Variants in TRERF1 observed in about 807,000 individuals in gnomAD.
The protein encoded by TRERF1 is transcriptional-regulating factor 1.
A neutral mutation model predicts 122.9 loss-of-function variants in TRERF1; 27 were observed. The ratio of observed to expected loss-of-function variants is 0.22; its 90% confidence interval spans 0.16 to 0.30. The LOEUF (loss-of-function observed/expected upper bound fraction) is 0.30, where lower values mean the gene tolerates loss of function less well. Among genes scored for constraint, TRERF1 ranks in the 10% least tolerant of loss-of-function variants. TRERF1 has a pLI of 1.00. For synonymous variants in TRERF1, 636 were observed against 641.7 expected, an observed-to-expected ratio of 0.99 and a Z score of 0.13; for missense variants, 1,248 against 1,560.3, an observed-to-expected ratio of 0.80 and a Z score of 3.37.
chr6:42,316,928 T>C (rs1000297823), intron 3 of TRERF1, among the ~76,000 whole-genome samples: 1 of 152,154 alleles, frequency 6.6e-6, no homozygotes, highest in Admixed American at 6.5e-5. Context: ...ATAGATAACA[T>C]CACTATTGTA....
At chr6:42,329,737 TC>T (rs932034091) in intron 3 of TRERF1, among the ~76,000 whole-genome samples, 1 of 152,102 alleles carries the variant, frequency 6.6e-6, no homozygotes, top group Non-Finnish European at 1.5e-5. Context: ...ACGGCTGTAA[TC>T]CCAGCACTTT....
In TRERF1 at chr6:42,262,573, G is replaced by C. The variant is rs989733136; in HGVS notation, c.1884+747C>G. On this transcript the variant is annotated intron_variant, in intron 8 of 17. Transcript: ENST00000372922. Reference sequence around the variant, plus strand: ...AGAGAGAGAGAGAGAGAGAGAGAGAGAGAGAGAGAGAGAGAGAGAGAGAGA... The same window carrying C: ...AGAGAGAGAGAGAGAGAGAGAGAGACAGAGAGAGAGAGAGAGAGAGAGAGA... Among the ~76,000 whole-genome samples the C allele has an allele frequency of 3.5e-3, 499 of 141,486 alleles. 35 individuals carry two copies. Among genetic ancestry groups the C allele is most frequent in the East Asian group, 7.1e-3 (34 of 4,786 alleles). 92.8% of individuals were successfully genotyped at this position (141,486 alleles called of 152,430 possible).
intron 3 of TRERF1, among the ~76,000 whole-genome samples, chr6:42,301,975 T>C (rs1386774160): frequency 1.3e-5 from 2 of 152,304 alleles, no homozygotes; most frequent in East Asian, 3.9e-4. Context: ...TGTGGCTCCA[T>C]GCTGTTTGGA....
At position 42,228,865 on chromosome 6, in the gene TRERF1, G is replaced by C. The variant is rs574059784; in HGVS notation, c.3279-196C>G. Among the ~76,000 whole-genome samples the C allele has an allele frequency of 6.6e-6, 1 of 152,262 alleles. No homozygotes were observed. The highest frequency in any genetic ancestry group is 1.5e-5 in the Non-Finnish European group (1 of 68,022). On this transcript the variant is annotated intron_variant, in intron 17 of 17. Coordinates refer to ENST00000372922, the Ensembl canonical transcript of TRERF1. This position sits in a 1 kb window ranked among gnomAD's most constrained non-coding sequence, Gnocchi z 4.2. ...CATTACAAGGAAAGGGATGGGGACA[G>C]AACACACCTACTGTGCCTCAGGCTT...
At chr6:42,392,582 G>A (rs557763220) in intron 2 of TRERF1, among the ~76,000 whole-genome samples, 1 of 152,250 alleles carries the variant, frequency 6.6e-6, no homozygotes, top group Admixed American at 6.5e-5. Flanking sequence ...ATTAAGAGAG[G>A]CCTGAGCCAT....
At chr6:42,239,862 G>GT (rs147880819) in intron 15 of TRERF1, among the ~76,000 whole-genome samples, 3,401 of 148,486 alleles carry the variant, frequency 0.023, 121 homozygotes, top group African/African-American at 0.074. Flanking sequence ...AGATTTTCTT[G>GT]TTTTTTTTTT....
At chr6:42,438,414 A>C (rs1785855834) in intron 2 of TRERF1, among the ~76,000 whole-genome samples, 1 of 151,204 alleles carries the variant, frequency 6.6e-6, no homozygotes. Flanking sequence ...GTTCGAGACC[A>C]GCCTGGGCAA....
intron 2 of TRERF1, among the ~76,000 whole-genome samples, chr6:42,422,900 C>T (rs890605423): frequency 2.8e-4 from 42 of 152,050 alleles, no homozygotes; most frequent in African/African-American, 8.9e-4. Flanking sequence ...AGTGCAATGG[C>T]GCGATCTTGG....
At chr6:42,389,755 T>C (rs547272993) in intron 2 of TRERF1, among the ~76,000 whole-genome samples, 4 of 152,250 alleles carry the variant, frequency 2.6e-5, no homozygotes, top group Non-Finnish European at 5.9e-5. Flanking sequence ...ACAGCTATTA[T>C]TGTGAGCTCA....
chr6:42,441,675 A>C (rs1204732040), intron 2 of TRERF1, among the ~76,000 whole-genome samples: 3 of 151,990 alleles, frequency 2.0e-5, no homozygotes. Flanking sequence ...AAAAAAAAAA[A>C]GAAAAGAAAA....
rs563548978 is a variant in TRERF1, at chr6:42,336,907, C to T, written c.-371+26090G>A. ...AGGCTGTGTGAGGGCACTGGGGCTG[C>T]GGCGGAGGATGGCATGATCGTGGCT... On this transcript the variant is annotated intron_variant, in intron 3 of 17. Coordinates refer to ENST00000372922, the Ensembl canonical transcript of TRERF1. 4.6e-5 allele frequency among the ~76,000 whole-genome samples: 7 copies of T among 152,274 alleles called. No individual in the cohort carries two copies. In the South Asian group the frequency reaches 6.2e-4, roughly 14 times the overall value.
chr6:42,276,149 C>G lies in TRERF1; in HGVS notation c.-258-6301G>C, dbSNP rs764459003. 2.0e-5 allele frequency among the ~76,000 whole-genome samples: 3 copies of G among 152,204 alleles called. No homozygotes were observed. The highest frequency in any genetic ancestry group is 2.4e-5 in the African/African-American group (1 of 41,460). ...AGTCTCTCCACACCCCACCCCCTGG[C>G]CTGGGGCACCAGGAGACAAGGCCGC... is the stretch of plus-strand genomic sequence containing the variant. On this transcript the variant is annotated intron_variant, in intron 4 of 17. Coordinates refer to ENST00000372922, the Ensembl canonical transcript of TRERF1. The surrounding 1 kb of genome is among the most constrained non-coding windows in gnomAD (Gnocchi z 4.3).
intron 4 of TRERF1, among the ~76,000 whole-genome samples, chr6:42,291,514 T>C (rs1024109861): frequency 9.2e-5 from 14 of 151,990 alleles, no homozygotes; most frequent in African/African-American, 3.4e-4. Context: ...TTTTTTGTTT[T>C]GTTTTGTTTC....
At chr6:42,397,540 G>A (rs1400428978) in intron 2 of TRERF1, among the ~76,000 whole-genome samples, 1 of 152,078 alleles carries the variant, frequency 6.6e-6, no homozygotes, top group East Asian at 1.9e-4. Flanking sequence ...GATACAAAAT[G>A]CCCAATGCCT....
At position 42,263,720 on chromosome 6, in the gene TRERF1, G is replaced by C; in HGVS notation, c.1636-152C>G. ...TCCTTCCTGCAATCCTGAGTCCCTT[G>C]GCTGGAGTGATGCCAGCTGATGGTG... On this transcript the variant is annotated intron_variant, in intron 7 of 17. Coordinates refer to ENST00000372922, the Ensembl canonical transcript of TRERF1. The surrounding 1 kb of genome is among the most constrained non-coding windows in gnomAD (Gnocchi z 5.6). 1 of 1,163,718 alleles carries C rather than the reference G, an allele frequency of 8.6e-7. No individual in the cohort carries two copies. Among genetic ancestry groups the C allele is most frequent in the Non-Finnish European group, 1.1e-6 (1 of 898,346 alleles). 72.1% of individuals were successfully genotyped at this position (1,163,718 alleles called of 1,614,324 possible).
intron 2 of TRERF1, among the ~76,000 whole-genome samples, chr6:42,386,357 C>T (rs529213477): frequency 3.9e-5 from 6 of 152,220 alleles, no homozygotes; most frequent in Non-Finnish European, 7.4e-5. Flanking sequence ...GCAGGAGAAT[C>T]GCTTGAACCC....
chr6:42,263,706 A>G lies in TRERF1; in HGVS notation c.1636-138T>C, dbSNP rs528464977. 1.5e-5 allele frequency: 18 copies of G among 1,209,478 alleles called. No individual in the cohort carries two copies. In the South Asian group the frequency reaches 3.5e-4, roughly 24 times the overall value. The allele number at this position is 1,209,478 out of a possible 1,614,324, so 74.9% of individuals were successfully genotyped here. On this transcript the variant is annotated intron_variant, in intron 7 of 17. Coordinates refer to ENST00000372922, the Ensembl canonical transcript of TRERF1. This position sits in a 1 kb window ranked among gnomAD's most constrained non-coding sequence, Gnocchi z 5.6. ...GCTGCAGGGCGATTTCCTTCCTGCA[A>G]TCCTGAGTCCCTTGGCTGGAGTGAT...
rs1046306245 is a variant in TRERF1 at position 42,280,800 on chromosome 6, GA to G, written c.-258-10953del. 4.5e-4 allele frequency among the ~76,000 whole-genome samples: 69 copies of G among 152,208 alleles called. 1 individual carries two copies. The highest frequency in any genetic ancestry group is 9.0e-4 in the Non-Finnish European group (61 of 68,032). On this transcript the variant is annotated intron_variant, in intron 4 of 17. Transcript: ENST00000372922. ...AAGCCAATTAGGAAGATGTCCTTGA[GA>G]GGCAAGTCCATGGGAGCTGCAGAGA...
chr6:42,425,795 G>A (rs1484406922), intron 2 of TRERF1, among the ~76,000 whole-genome samples: 1 of 151,264 alleles, frequency 6.6e-6, no homozygotes, highest in African/African-American at 2.4e-5. Context: ...CGCCCACCTC[G>A]GCCTCCCAAA....
Sources: gnomAD v4.1 joint callset for allele counts (sites outside exome capture counted in the v4.1 genomes callset) on GRCh38, gnomAD v4.1.1 for gene constraint, Gnocchi (gnomAD v3.1) non-coding constraint, MANE v1.5 for transcripts, NCBI Gene and HGNC (gene_info 2026-07-23, HGNC 2026-07-21) for gene names.